Variants in PTPN4 observed in about 807,000 individuals in gnomAD.
PTPN4 encodes protein tyrosine phosphatase non-receptor type 4.
PTPN4 carries 49 observed loss-of-function variants against 135.5 expected under a neutral mutation model. That is an observed-to-expected ratio of 0.36 (90% CI 0.29 to 0.46). The LOEUF is 0.46. Among genes scored for constraint, PTPN4 ranks in the 20% least tolerant of loss-of-function variants. The pLI, the probability that PTPN4 is intolerant of heterozygous loss-of-function variation, is 1.00. For missense variants in PTPN4, 860 were observed against 1,101.0 expected, an observed-to-expected ratio of 0.78 and a Z score of 3.10; for synonymous variants, 333 against 369.9, an observed-to-expected ratio of 0.90 and a Z score of 1.14.
At chr2:119,955,422 C>T (rs1679265670) in intron 20 of PTPN4, 99 bp downstream of exon 20, 5 of 1,015,322 alleles carry the variant, frequency 4.9e-6, no homozygotes, top group Non-Finnish European at 6.5e-6. Flanking sequence ...AATTTCTAAA[C>T]TAAAATGATA....
chr2:119,818,397 A>C (rs1384253693), intron 2 of PTPN4, among the ~76,000 whole-genome samples: 2 of 152,262 alleles, frequency 1.3e-5, no homozygotes, highest in African/African-American at 2.4e-5. Flanking sequence ...CCATGGGCCA[A>C]ATCCAGCCTT....
chr2:119,879,986 TA>T (rs2105000499), intron 5 of PTPN4: 1 of 131,518 alleles, frequency 7.6e-6, no homozygotes, highest in East Asian at 2.5e-4. Flanking sequence ...TAGTTTAGTT[TA>T]ATTAGTGAAA....
chr2:119,888,853 G>A (rs916035227), intron 9 of PTPN4, among the ~76,000 whole-genome samples: 3 of 152,112 alleles, frequency 2.0e-5, no homozygotes, highest in African/African-American at 4.8e-5. Flanking sequence ...CTTATAGAAT[G>A]AGTCAGGAGA....
rs1691279456 is a variant in PTPN4 at position 119,797,252 on chromosome 2, T to C, written c.-17-12585T>C. 2.0e-5 allele frequency among the ~76,000 whole-genome samples: 3 copies of C among 152,178 alleles called. No homozygotes were observed. The South Asian group carries it at 6.2e-4, about 32-fold the overall frequency. ...ATTAGCCACTCTCCACTGAATTCCC[T>C]TTTTACCTTTGTCAAAGTTACGTTG... On this transcript the variant is annotated intron_variant, in intron 1 of 26. Coordinates refer to ENST00000263708, the MANE Select transcript of PTPN4 (RefSeq NM_002830.4).
At chr2:119,861,955 A>G (rs1404858322) in intron 2 of PTPN4, among the ~76,000 whole-genome samples, 1 of 151,508 alleles carries the variant, frequency 6.6e-6, no homozygotes, top group Non-Finnish European at 1.5e-5. Context: ...GCTATAAATA[A>G]TTGTTACCAT....
chr2:119,845,112 C>T lies in PTPN4; in HGVS notation c.139-17424C>T, dbSNP rs983076075. Among the ~76,000 whole-genome samples, 15 of 148,740 alleles carry T rather than the reference C, an allele frequency of 1.0e-4. No individual in the cohort carries two copies. In the South Asian group the frequency reaches 2.4e-3, roughly 24 times the overall value. On this transcript the variant is annotated intron_variant, in intron 2 of 26. Transcript: ENST00000263708. ...CCAAAACCAGTCAGGCGTGGCGGCG[C>T]GAGCCTGCAATCACAGGCACTGGGC...
intron 3 of PTPN4, among the ~76,000 whole-genome samples, chr2:119,863,137 A>C (rs1299269768): frequency 1.3e-5 from 2 of 152,100 alleles, no homozygotes; most frequent in African/African-American, 4.8e-5. Context: ...TTTGGCATTA[A>C]ATTTCTTGGA....
chr2:119,874,584 T>A lies in PTPN4; in HGVS notation c.247-2739T>A, dbSNP rs530752458. ...AACAGGTAAATTTGTAGAGACAGAA[T>A]GTAGGTTAGTGATTGTTAGGGGCAA... On this transcript the variant is annotated intron_variant, in intron 3 of 26. Coordinates refer to ENST00000263708, the MANE Select transcript of PTPN4 (RefSeq NM_002830.4). Among the ~76,000 whole-genome samples the A allele has an allele frequency of 7.0e-4, 106 of 152,250 alleles. 1 individual carries two copies. The Middle Eastern group carries it at 0.024, about 34-fold the overall frequency.
At chr2:119,961,948 G>A (rs1160661675) in intron 23 of PTPN4, among the ~76,000 whole-genome samples, 1 of 152,166 alleles carries the variant, frequency 6.6e-6, no homozygotes, top group Non-Finnish European at 1.5e-5. Context: ...TATTTTGGGT[G>A]TAATGGGAAT....
chr2:119,956,799 G>A, intron 20 of PTPN4, 45 bp from the exon 21 acceptor site: 1 of 1,566,018 alleles, frequency 6.4e-7, no homozygotes, highest in Non-Finnish European at 8.6e-7. Context: ...AAGAGAAATT[G>A]TTTATGGCTT....
chr2:119,844,887 G>C (rs1677463717), intron 2 of PTPN4, among the ~76,000 whole-genome samples: 1 of 151,368 alleles, frequency 6.6e-6, no homozygotes, highest in African/African-American at 2.4e-5. Flanking sequence ...GGCACTTTGG[G>C]AGGCCAAGGC....
chr2:119,822,363 C>A (rs996084161), intron 2 of PTPN4, among the ~76,000 whole-genome samples: 2 of 129,488 alleles, frequency 1.5e-5, no homozygotes, highest in African/African-American at 5.3e-5. Flanking sequence ...CCTCCCCCCC[C>A]CTTTTTTTTT....
In PTPN4 at chr2:119,979,474, G is replaced by A. The variant is rs528030701; in HGVS notation, c.*2404G>A. The A allele has an allele frequency of 7.9e-5, 12 of 152,070 alleles. No individual in the cohort carries two copies. Among genetic ancestry groups the A allele is most frequent in the South Asian group, 2.1e-4 (1 of 4,822 alleles). 9.4% of individuals were successfully genotyped at this position (152,070 alleles called of 1,614,324 possible). Reference sequence around the variant, plus strand: ...TTTCATCTGGGAACTACCCACTGTCGTCATTTTTATGTGCAGAAAAGATCC... The same window carrying A: ...TTTCATCTGGGAACTACCCACTGTCATCATTTTTATGTGCAGAAAAGATCC... On this transcript the variant is annotated 3_prime_UTR_variant, in exon 27 of 27. Coordinates refer to ENST00000263708, the MANE Select transcript of PTPN4 (RefSeq NM_002830.4).
At chr2:119,865,971 G>A (rs557228568) in intron 3 of PTPN4, among the ~76,000 whole-genome samples, 1 of 152,092 alleles carries the variant, frequency 6.6e-6, no homozygotes. Context: ...GAGTTCCAGT[G>A]CAACAAAGAA....
chr2:119,871,079 G>A lies in PTPN4; in HGVS notation c.247-6244G>A, dbSNP rs1677902682. On this transcript the variant is annotated intron_variant, in intron 3 of 26. Transcript: ENST00000263708. Reference sequence around the variant, plus strand: ...AAATGGGAAGATAGCATGAACAGAAGAAGAGTAACTATTAATAACAAACGT... The same window carrying A: ...AAATGGGAAGATAGCATGAACAGAAAAAGAGTAACTATTAATAACAAACGT... 2.0e-5 allele frequency among the ~76,000 whole-genome samples: 3 copies of A among 150,888 alleles called. No individual in the cohort carries two copies. The South Asian group carries it at 6.3e-4, about 32-fold the overall frequency.
intron 18 of PTPN4, 103 bp from the exon 19 acceptor site, chr2:119,951,870 G>A: frequency 1.2e-6 from 1 of 860,276 alleles, no homozygotes; most frequent in Non-Finnish European, 1.7e-6. Flanking sequence ...TTTTCTATAT[G>A]TAGTTTAGTT....
chr2:119,784,886 A>G (rs1691019454), intron 1 of PTPN4, among the ~76,000 whole-genome samples: 1 of 151,818 alleles, frequency 6.6e-6, no homozygotes, highest in Non-Finnish European at 1.5e-5. Context: ...AAAGCAGCAT[A>G]AGTCAAAGTT....
chr2:119,955,709 G>A (rs531140420), intron 20 of PTPN4, among the ~76,000 whole-genome samples: 142 of 152,114 alleles, frequency 9.3e-4, no homozygotes, highest in African/African-American at 3.1e-3. Flanking sequence ...AGGCCGAGGC[G>A]GGCGGATCAC....
rs1187527031 is a variant in PTPN4, at chr2:119,782,752, C to T, written c.-18+22368C>T. 9.9e-4 allele frequency among the ~76,000 whole-genome samples: 124 copies of T among 125,518 alleles called. 2 individuals are homozygous for T. Among genetic ancestry groups the T allele is most frequent in the African/African-American group, 3.3e-3 (113 of 34,438 alleles). The allele number at this position is 125,518 out of a possible 152,430, so 82.3% of individuals were successfully genotyped here. Reference sequence around the variant, plus strand: ...AGACGACCTCACTCTGTCATCCAGGCTGGAGATCAGTGGTATGATGATGGC... The same window carrying T: ...AGACGACCTCACTCTGTCATCCAGGTTGGAGATCAGTGGTATGATGATGGC... On this transcript the variant is annotated intron_variant, in intron 1 of 26. Transcript: ENST00000263708.
Sources: gnomAD v4.1 joint callset for allele counts (sites outside exome capture counted in the v4.1 genomes callset) on GRCh38, gnomAD v4.1.1 for gene constraint, MANE v1.5 for transcripts, NCBI Gene and HGNC (gene_info 2026-07-23, HGNC 2026-07-21) for gene names.